Variants in AOPEP observed in about 807,000 individuals in gnomAD.
The protein encoded by AOPEP is aminopeptidase O.
AOPEP carries 77 observed loss-of-function variants against 98.1 expected under a neutral mutation model. That is an observed-to-expected ratio of 0.78 (90% CI 0.65 to 0.95). AOPEP has a LOEUF of 0.95. Among genes scored for constraint, AOPEP ranks in the 40% least tolerant of loss-of-function variants. The pLI is 0.00. For synonymous variants in AOPEP, 346 were observed against 365.3 expected, an observed-to-expected ratio of 0.95 and a Z score of 0.60; for missense variants, 1,024 against 1,024.7, an observed-to-expected ratio of 1.00 and a Z score of 0.01.
chr9:94,926,534 G>T (rs1199515419), intron 6 of AOPEP, among the ~76,000 whole-genome samples: 1 of 152,174 alleles, frequency 6.6e-6, no homozygotes, highest in Admixed American at 6.5e-5. Context: ...AACATTTCCA[G>T]AGCAAGTCCG....
At chr9:94,734,475 A>G (rs546445026) in intron 1 of AOPEP, among the ~76,000 whole-genome samples, 42 of 152,304 alleles carry the variant, frequency 2.8e-4, no homozygotes, top group African/African-American at 9.9e-4. Flanking sequence ...AGTTTTCAAT[A>G]ATGAGAATTT....
the AOPEP span, chr9:95,125,329 T>A: frequency 1.4e-6 from 1 of 715,566 alleles, no homozygotes; most frequent in African/African-American, 1.8e-5. Context: ...TTTCAGTCCT[T>A]GTGTGAAAAC....
intron 7 of AOPEP, among the ~76,000 whole-genome samples, chr9:94,938,836 T>A (rs1051739418): frequency 6.6e-6 from 1 of 151,556 alleles, no homozygotes; most frequent in African/African-American, 2.4e-5. Flanking sequence ...AGAGAAAGAG[T>A]CTAGAGAACA....
At chr9:94,981,339 T>A (rs933331009) in intron 11 of AOPEP, among the ~76,000 whole-genome samples, 1 of 152,168 alleles carries the variant, frequency 6.6e-6, no homozygotes, top group Non-Finnish European at 1.5e-5. Flanking sequence ...TAGACAAGAA[T>A]CTCTGCTATA....
At chr9:95,102,572 G>GT in the AOPEP span, among the ~76,000 whole-genome samples, 3 of 152,230 alleles carry the variant, frequency 2.0e-5, no homozygotes, top group African/African-American at 7.2e-5. Flanking sequence ...CACTTAGTGT[G>GT]TGTCAGTTTA....
At chr9:94,817,862 T>A (rs1852051109) in intron 5 of AOPEP, among the ~76,000 whole-genome samples, 1 of 152,130 alleles carries the variant, frequency 6.6e-6, no homozygotes, top group African/African-American at 2.4e-5. Flanking sequence ...TCTCAGGAGC[T>A]GAGTTTAAAG....
intron 2 of AOPEP, among the ~76,000 whole-genome samples, chr9:94,768,742 G>C (rs1377296047): frequency 6.6e-6 from 1 of 152,156 alleles, no homozygotes; most frequent in Non-Finnish European, 1.5e-5. Flanking sequence ...CAGTTAATCT[G>C]GGCTCCCCAA....
intron 5 of AOPEP, among the ~76,000 whole-genome samples, chr9:94,846,749 A>C (rs1248241546): frequency 6.6e-6 from 1 of 152,040 alleles, no homozygotes; most frequent in Non-Finnish European, 1.5e-5. Flanking sequence ...TCTTTACAAA[A>C]ATTTTAAAAA....
At chr9:95,074,624 T>C (rs1204751258) in intron 14 of AOPEP, among the ~76,000 whole-genome samples, 1 of 152,246 alleles carries the variant, frequency 6.6e-6, no homozygotes, top group Non-Finnish European at 1.5e-5. Flanking sequence ...ATGTCCAAAG[T>C]AATTTTTATT....
At chr9:95,125,605 T>C in the AOPEP span, among the ~76,000 whole-genome samples, 1 of 152,210 alleles carries the variant, frequency 6.6e-6, no homozygotes, top group Non-Finnish European at 1.5e-5. Context: ...CTGGTTTCGC[T>C]TCCATGCATT....
At chr9:94,860,362 G>A (rs1368725869) in intron 5 of AOPEP, among the ~76,000 whole-genome samples, 3 of 141,754 alleles carry the variant, frequency 2.1e-5, no homozygotes, top group Non-Finnish European at 1.6e-5. Flanking sequence ...CATTCTGAGC[G>A]TATTGGGAAG....
intron 14 of AOPEP, among the ~76,000 whole-genome samples, chr9:95,067,766 T>G (rs967866267): frequency 6.6e-6 from 1 of 152,130 alleles, no homozygotes; most frequent in Non-Finnish European, 1.5e-5. Flanking sequence ...ATTCACAGAG[T>G]TGTACAACCA....
At chr9:94,895,054 T>TTGTGTG (rs61413921) in intron 5 of AOPEP, among the ~76,000 whole-genome samples, 2,623 of 151,438 alleles carry the variant, frequency 0.017, 83 homozygotes, top group African/African-American at 0.06. Context: ...CTCTGTGTGT[T>TTGTGTG]TGTGTGTGTG....
intron 5 of AOPEP, among the ~76,000 whole-genome samples, chr9:94,870,359 C>T (rs62579011): frequency 0.03 from 4,544 of 152,204 alleles, 116 homozygotes; most frequent in Non-Finnish European, 0.042. Context: ...AGAAGAGTAT[C>T]GAGAATTAAT....
chr9:94,955,080 T>C (rs1354192964), intron 7 of AOPEP, 97 bp from the exon 8 acceptor site: 5 of 661,252 alleles, frequency 7.6e-6, no homozygotes, highest in African/African-American at 3.6e-5. Flanking sequence ...ATCAGGATGA[T>C]ATTGAGCAAC....
intron 14 of AOPEP, among the ~76,000 whole-genome samples, chr9:95,073,104 C>G (rs527393655): frequency 8.5e-5 from 13 of 152,346 alleles, no homozygotes; most frequent in Middle Eastern, 3.4e-3. Flanking sequence ...AGCTGTAGCT[C>G]TTCCCAGGCC....
intron 5 of AOPEP, among the ~76,000 whole-genome samples, chr9:94,815,030 G>T (rs1038112760): frequency 6.6e-6 from 1 of 152,172 alleles, no homozygotes; most frequent in African/African-American, 2.4e-5. Context: ...GTCTTTTAAA[G>T]AGGTGATCAC....
At chr9:95,008,245 C>G (rs4744422) in intron 13 of AOPEP, among the ~76,000 whole-genome samples, 125,249 of 152,162 alleles carry the variant, frequency 0.82, 52,270 homozygotes, top group Non-Finnish European at 0.9. Flanking sequence ...GCAGGCTTCT[C>G]TCAGGATTCA....
chr9:95,088,444 C>T (rs4744441), downstream of AOPEP, among the ~76,000 whole-genome samples: 17 of 152,170 alleles, frequency 1.1e-4, no homozygotes, highest in African/African-American at 3.9e-4. Flanking sequence ...CCCGACCTCA[C>T]GTGATCCACC....
Sources: allele counts gnomAD v4.1 joint callset (sites outside exome capture counted in the v4.1 genomes callset), GRCh38; gene constraint gnomAD v4.1.1; transcripts MANE v1.5; gene names NCBI Gene and HGNC (gene_info 2026-07-23, HGNC 2026-07-21).